The following CAPN2 variants were observed in gnomAD, a reference collection of about 807,000 sequenced individuals.
CAPN2 encodes the protein calpain-2 catalytic subunit.
A neutral mutation model predicts 102.3 loss-of-function variants in CAPN2; 92 were observed. The observed-to-expected ratio is 0.90, with a 90% CI of 0.76 to 1.07. The LOEUF (loss-of-function observed/expected upper bound fraction) is 1.07, where lower values mean the gene tolerates loss of function less well. Among genes scored for constraint, CAPN2 ranks in the 50% least tolerant of loss-of-function variants. The pLI is 0.00. For missense variants in CAPN2, 800 were observed against 909.4 expected, an observed-to-expected ratio of 0.88 and a Z score of 1.55; for synonymous variants, 340 against 355.4, an observed-to-expected ratio of 0.96 and a Z score of 0.49.
Position 223,725,324 on chromosome 1 carries a change from A to G in CAPN2, c.307+7493A>G, listed in dbSNP as rs1376136483. 6.6e-6 allele frequency among the ~76,000 whole-genome samples: 1 copy of G among 152,058 alleles called. No individual in the cohort carries two copies. Among genetic ancestry groups the G allele is most frequent in the Middle Eastern group, 3.2e-3 (1 of 316 alleles). On this transcript the variant is annotated intron_variant, in intron 2 of 20. Coordinates refer to ENST00000295006, the MANE Select transcript of CAPN2 (RefSeq NM_001748.5). This position sits in a 1 kb window ranked among gnomAD's most constrained non-coding sequence, Gnocchi z 4.1. ...CTTGAACCTGAGAGGTGGAGGTTGC[A>G]GTGAGCCATGATCGCACCACTGCAC...
chr1:223,759,596 C>A lies in CAPN2; in HGVS notation c.1529+115C>A. 1.3e-6 allele frequency: 1 copy of A among 742,330 alleles called. No homozygotes were observed. The highest frequency in any genetic ancestry group is 2.2e-6 in the Non-Finnish European group (1 of 452,134). The allele number at this position is 742,330 out of a possible 1,614,324, so 46.0% of individuals were successfully genotyped here. A position where few individuals can be genotyped will look rare whatever the true frequency, so the allele number is the denominator to read the frequency against. ...TGAATGTCAGTTACTTTTTCTGTAA[C>A]ACCTGCCCACCTCGAAGGACTAGTG... On this transcript the variant is annotated intron_variant, in intron 12 of 20. Transcript: ENST00000295006. This position sits in a 1 kb window ranked among gnomAD's most constrained non-coding sequence, Gnocchi z 4.6.
chr1:223,774,076 G>A (rs1165131987), intron 20 of CAPN2, among the ~76,000 whole-genome samples: 1 of 151,904 alleles, frequency 6.6e-6, no homozygotes, highest in Non-Finnish European at 1.5e-5. Context: ...ACACAACTGT[G>A]ACACGAAACA....
At chr1:223,738,252 G>T (rs1351983801) in intron 2 of CAPN2, among the ~76,000 whole-genome samples, 1 of 151,954 alleles carries the variant, frequency 6.6e-6, no homozygotes, top group Non-Finnish European at 1.5e-5. Context: ...TGACCTCCCA[G>T]GTTCAAAGTG....
intron 20 of CAPN2, chr1:223,772,874 TGAAA>T (rs1558081276): frequency 6.6e-6 from 1 of 152,214 alleles, no homozygotes; most frequent in Non-Finnish European, 1.5e-5. Flanking sequence ...GTTCTCTCAC[TGAAA>T]GAAAGAAGCC....
At chr1:223,761,089 C>A (rs888891429) in intron 12 of CAPN2, among the ~76,000 whole-genome samples, 1 of 152,230 alleles carries the variant, frequency 6.6e-6, no homozygotes, top group Non-Finnish European at 1.5e-5. Flanking sequence ...TGAGGCAGAA[C>A]AAGTAGGCGA....
At chr1:223,770,560 T>A in intron 18 of CAPN2, 35 bp downstream of exon 18, 1 of 1,379,722 alleles carries the variant, frequency 7.2e-7, no homozygotes, top group Non-Finnish European at 1.0e-6. Flanking sequence ...GTTCCTAGTT[T>A]AATCTGTCTG....
intron 2 of CAPN2, among the ~76,000 whole-genome samples, chr1:223,729,508 G>A (rs1323201623): frequency 1.3e-5 from 2 of 152,212 alleles, no homozygotes; most frequent in Non-Finnish European, 2.9e-5. Context: ...CTGAGAACCT[G>A]TGCCCAAGGT....
intron 2 of CAPN2, among the ~76,000 whole-genome samples, chr1:223,718,782 C>G (rs1378281465): frequency 6.6e-6 from 1 of 152,230 alleles, no homozygotes; most frequent in African/African-American, 2.4e-5. Flanking sequence ...TCATATACTC[C>G]TAATACCAGC....
chr1:223,771,829 C>A lies in CAPN2; in HGVS notation c.1924C>A (p.Leu642Ile). 1 of 1,613,354 alleles carries A rather than the reference C, an allele frequency of 6.2e-7. No individual in the cohort carries two copies. The highest frequency in any genetic ancestry group is 8.5e-7 in the Non-Finnish European group (1 of 1,179,254). ...TTCAGGTTTCAAGATGCCCTGTCAACTCCACCAAGTCATCGTTGCTCGGTT... is the reference window on the plus strand; with the variant it reads ...TTCAGGTTTCAAGATGCCCTGTCAAATCCACCAAGTCATCGTTGCTCGGTT... ...EEAGFKMPCQ[L>I]HQVIVARFAD... is the part of the protein sequence containing the mutation. The change falls in exon 19 of 21, where the codon CTC becomes ATC. Residue 642 changes from leucine (L) to isoleucine (I), a missense_variant. By Grantham distance (5) the Leu-to-Ile change is conservative. Transcript: ENST00000295006.
intron 2 of CAPN2, among the ~76,000 whole-genome samples, chr1:223,739,553 G>A (rs560349302): frequency 2.6e-5 from 4 of 152,244 alleles, no homozygotes; most frequent in Admixed American, 6.5e-5. Context: ...CCCCGGAGAG[G>A]AAGGCAGGAG....
chr1:223,730,010 C>CAAAAAAA (rs57382658), intron 2 of CAPN2, among the ~76,000 whole-genome samples: 506 of 78,812 alleles, frequency 6.4e-3, no homozygotes, highest in Middle Eastern at 0.016. Context: ...CCCAAAAAAC[C>CAAAAAAA]AAAAAAAAAA....
chr1:223,717,805 G>A lies in CAPN2; in HGVS notation c.281G>A (p.Arg94His), dbSNP rs768082890. The change falls in exon 2 of 21, where the codon CGC (arginine) becomes CAC (histidine). Residue 94 changes from arginine to histidine, a missense_variant. Physicochemically the swap from Arg to His is conservative, Grantham distance 29 (BLOSUM62 0). Coordinates refer to ENST00000295006, the MANE Select transcript of CAPN2 (RefSeq NM_001748.5). Reference protein sequence around the residue: ...DPQFIIGGATRTDICQGALGD... With the variant: ...DPQFIIGGATHTDICQGALGD... ...CAGTTTATCATTGGAGGAGCCACCC[G>A]CACAGACATCTGCCAAGGAGCCCTG... The A allele has an allele frequency of 2.2e-5, 35 of 1,613,848 alleles. No homozygotes were observed. Among genetic ancestry groups the A allele is most frequent in the African/African-American group, 6.7e-5 (5 of 74,916 alleles).
intron 1 of CAPN2, among the ~76,000 whole-genome samples, chr1:223,703,833 C>A (rs907921572): frequency 7.9e-5 from 12 of 152,142 alleles, no homozygotes; most frequent in African/African-American, 2.7e-4. Context: ...CTTGTCAGAG[C>A]CTTTAATATT....
At chr1:223,718,319 G>C (rs1659937458) in intron 2 of CAPN2, among the ~76,000 whole-genome samples, 1 of 152,238 alleles carries the variant, frequency 6.6e-6, no homozygotes, top group South Asian at 2.1e-4. Context: ...TATAGTACCA[G>C]GGCATTCTCA....
chr1:223,758,834 A>T (rs897526384), intron 11 of CAPN2: 3 of 250,718 alleles, frequency 1.2e-5, no homozygotes, highest in Non-Finnish European at 2.3e-5. Context: ...CTGAGACTAC[A>T]GGCGCTTGCC....
At chr1:223,713,155 T>G (rs1659788015) in intron 1 of CAPN2, among the ~76,000 whole-genome samples, 1 of 152,092 alleles carries the variant, frequency 6.6e-6, no homozygotes, top group Non-Finnish European at 1.5e-5. Context: ...AGCAGGCCAC[T>G]TTAGGACTTC....
intron 2 of CAPN2, among the ~76,000 whole-genome samples, chr1:223,730,565 A>C (rs1412283199): frequency 1.3e-5 from 2 of 152,176 alleles, no homozygotes; most frequent in Admixed American, 1.3e-4. Context: ...AGGGCCTGCT[A>C]TCTGTCATGT....
chr1:223,744,283 C>T (rs888301277), intron 3 of CAPN2, 65 bp downstream of exon 3: 73 of 1,051,568 alleles, frequency 6.9e-5, no homozygotes, highest in Non-Finnish European at 1.1e-4. Context: ...AGTCTTCTGG[C>T]TTGGCTGGGT....
rs1173286355 is a variant in CAPN2, at chr1:223,775,887, G to C, written c.*1030G>C. 6.6e-6 allele frequency: 1 copy of C among 152,634 alleles called. No individual in the cohort carries two copies. The highest frequency in any genetic ancestry group is 1.5e-5 in the Non-Finnish European group (1 of 68,046). 9.5% of individuals were successfully genotyped at this position (152,634 alleles called of 1,614,324 possible). A position where few individuals can be genotyped will look rare whatever the true frequency, so the allele number is the denominator to read the frequency against. ...TCCTGGAGGGCAGCCCCACAGGACGGTTTATGAGCACACAATTATAGCTTG... is the reference window on the plus strand; with the variant it reads ...TCCTGGAGGGCAGCCCCACAGGACGCTTTATGAGCACACAATTATAGCTTG... On this transcript the variant is annotated 3_prime_UTR_variant, in exon 21 of 21. Transcript: ENST00000295006.
Sources: gnomAD v4.1 joint callset for allele counts (sites outside exome capture counted in the v4.1 genomes callset) on GRCh38, gnomAD v4.1.1 for gene constraint, Gnocchi (gnomAD v3.1) non-coding constraint, MANE v1.5 for transcripts, NCBI Gene and HGNC (gene_info 2026-07-23, HGNC 2026-07-21) for gene names.